The following QKI variants were observed in gnomAD, a reference collection of about 807,000 sequenced individuals.
The protein encoded by QKI is KH domain-containing RNA-binding protein QKI.
Under a neutral mutation model 39.0 loss-of-function variants are expected in QKI, and 10 were observed. That is an observed-to-expected ratio of 0.26 (90% confidence interval 0.16 to 0.43). QKI has a LOEUF of 0.43. Among genes scored for constraint, QKI ranks in the 20% least tolerant of loss-of-function variants. The pLI is 1.00. For missense variants in QKI, 218 were observed against 428.0 expected (o/e 0.51, Z 4.33); for synonymous variants, 204 against 155.4 (o/e 1.31, Z -2.33).
At chr6:163,537,237 A>G (rs557067278) in intron 4 of QKI, among the ~76,000 whole-genome samples, 2 of 152,298 alleles carry the variant, frequency 1.3e-5, no homozygotes, top group South Asian at 4.1e-4. Context: ...ATAAACCCCT[A>G]TACTTCTTGT....
chr6:163,505,444 A>T (rs965283958), intron 3 of QKI, among the ~76,000 whole-genome samples: 1 of 152,178 alleles, frequency 6.6e-6, no homozygotes, highest in African/African-American at 2.4e-5. Flanking sequence ...AGCCGAGGGG[A>T]CTGAACCTTG....
At chr6:163,479,647 G>A (rs1343238294) in intron 3 of QKI, among the ~76,000 whole-genome samples, 2 of 152,230 alleles carry the variant, frequency 1.3e-5, no homozygotes, top group Non-Finnish European at 2.9e-5. Flanking sequence ...TGGGATTATA[G>A]GCGTGAGCCA....
At chr6:163,545,988 A>T (rs1383289688) in intron 4 of QKI, among the ~76,000 whole-genome samples, 1 of 148,860 alleles carries the variant, frequency 6.7e-6, no homozygotes, top group Non-Finnish European at 1.5e-5. Flanking sequence ...TTAAATATTA[A>T]TGTAAACTAT....
intron 2 of QKI, among the ~76,000 whole-genome samples, chr6:163,461,776 A>G (rs895865586): frequency 6.6e-6 from 1 of 152,192 alleles, no homozygotes; most frequent in Admixed American, 6.5e-5. Context: ...AATTTGAGAG[A>G]GCAGTGTCTC....
intron 1 of QKI, among the ~76,000 whole-genome samples, chr6:163,435,144 AAACAT>A (rs1306982171): frequency 6.6e-6 from 1 of 152,204 alleles, no homozygotes; most frequent in Non-Finnish European, 1.5e-5. Context: ...ATTATCCAAA[AAACAT>A]AAAGCATGAC....
At chr6:163,565,735 A>G in intron 6 of QKI, 6 of 1,238,010 alleles carry the variant, frequency 4.8e-6, no homozygotes, top group Non-Finnish European at 6.1e-6. Context: ...TGGAGAACTC[A>G]GAAAATTATT....
At chr6:163,418,293 A>T (rs1268244979) in intron 1 of QKI, among the ~76,000 whole-genome samples, 2 of 152,152 alleles carry the variant, frequency 1.3e-5, no homozygotes, top group Non-Finnish European at 2.9e-5. Context: ...TAAGCTTTTT[A>T]AAAATATGCT....
chr6:163,547,672 T>A (rs2128245289), intron 4 of QKI, among the ~76,000 whole-genome samples: 1 of 152,276 alleles, frequency 6.6e-6, no homozygotes, highest in South Asian at 2.1e-4. Flanking sequence ...TGCCTAGGAC[T>A]CATCCACCTT....
Position 163,505,145 on chromosome 6 carries a change from T to C in QKI, c.402+26249T>C, listed in dbSNP as rs1779015367. On this transcript the variant is annotated intron_variant, in intron 3 of 7. Coordinates refer to ENST00000361752, the MANE Select transcript of QKI (RefSeq NM_006775.3). ...CTTGTGGGTGCACAGAACACAAGAG[T>C]TGAGCTTTGAGAATCTTTGCCTAGA... Among the ~76,000 whole-genome samples, 8 of 152,076 alleles carry C rather than the reference T, an allele frequency of 5.3e-5. No individual in the cohort carries two copies. The South Asian group carries it at 1.7e-3, about 32-fold the overall frequency.
chr6:163,415,214 G>C lies in QKI; in HGVS notation c.21G>C (p.Thr7=), dbSNP rs1787338780. The C allele has an allele frequency of 6.3e-7, 1 of 1,588,334 alleles. No individual in the cohort carries two copies. The highest frequency in any genetic ancestry group is 8.6e-7 in the Non-Finnish European group (1 of 1,164,560). ...GGAATATGGTCGGGGAAATGGAAAC[G>C]AAGGAGAAGCCGAAGCCCACCCCAG... MVGEME[T]KEKPKPTPDY... The change falls in exon 1 of 8, where the codon ACG becomes ACC. Residue 7 remains threonine (T), a synonymous_variant. Coordinates refer to ENST00000361752, the MANE Select transcript of QKI (RefSeq NM_006775.3).
intron 3 of QKI, among the ~76,000 whole-genome samples, chr6:163,500,700 T>G (rs57845473): frequency 0.02 from 3,090 of 152,236 alleles, 104 homozygotes; most frequent in African/African-American, 0.071. Flanking sequence ...AATAAACAAC[T>G]GAATAAGACT....
At chr6:163,479,763 C>G (rs1792927115) in intron 3 of QKI, among the ~76,000 whole-genome samples, 1 of 152,130 alleles carries the variant, frequency 6.6e-6, no homozygotes, top group African/African-American at 2.4e-5. Flanking sequence ...GGGAAGCTGC[C>G]AGTTTGGAAA....
chr6:163,472,829 G>A (rs546359427), intron 2 of QKI, among the ~76,000 whole-genome samples: 1 of 152,166 alleles, frequency 6.6e-6, no homozygotes, highest in Admixed American at 6.6e-5. Context: ...CTGAATTTGT[G>A]GGATACAACT....
intron 4 of QKI, among the ~76,000 whole-genome samples, chr6:163,540,648 T>G (rs1781451058): frequency 1.3e-5 from 2 of 152,180 alleles, no homozygotes; most frequent in African/African-American, 4.8e-5. Context: ...GGTTTTGAGA[T>G]AATCACACAC....
intron 1 of QKI, among the ~76,000 whole-genome samples, chr6:163,440,725 T>G (rs556056582): frequency 5.0e-4 from 76 of 152,366 alleles, no homozygotes; most frequent in African/African-American, 1.6e-3. Context: ...TCATTTAGTT[T>G]GTTATAGAAC....
chr6:163,414,954 G>GTA lies in QKI; in HGVS notation c.-240_-239insTA, dbSNP rs1376809502. 32 of 174,366 alleles carry GTA rather than the reference G, an allele frequency of 1.8e-4. No individual in the cohort carries two copies. The highest frequency in any genetic ancestry group is 2.9e-4 in the Non-Finnish European group (27 of 91,590). The allele number at this position is 174,366 out of a possible 1,614,324, so 10.8% of individuals were successfully genotyped here. On this transcript the variant is annotated 5_prime_UTR_variant, in exon 1 of 8. Coordinates refer to ENST00000361752, the MANE Select transcript of QKI (RefSeq NM_006775.3). ...CCTCGTGAGGGACGCGCCGAGCCGG[G>GTA]CGGCCGAGAGCGGCGGCGGCTGGGA...
At chr6:163,497,266 T>A (rs1490855394) in intron 3 of QKI, among the ~76,000 whole-genome samples, 7 of 152,172 alleles carry the variant, frequency 4.6e-5, no homozygotes, top group Non-Finnish European at 1.0e-4. Flanking sequence ...TTCTAGCATT[T>A]GTTCAGTTAA....
chr6:163,533,504 C>T (rs1162337293), intron 3 of QKI, among the ~76,000 whole-genome samples: 1 of 152,202 alleles, frequency 6.6e-6, no homozygotes, highest in African/African-American at 2.4e-5. Flanking sequence ...AATTCTCAAA[C>T]TTTGGAATCA....
chr6:163,527,585 T>C (rs1780592637), intron 3 of QKI, among the ~76,000 whole-genome samples: 1 of 152,276 alleles, frequency 6.6e-6, no homozygotes, highest in African/African-American at 2.4e-5. Flanking sequence ...CTTCATGTTA[T>C]AGAATCCCTT....
Sources: allele counts gnomAD v4.1 joint callset (sites outside exome capture counted in the v4.1 genomes callset), GRCh38; gene constraint gnomAD v4.1.1; transcripts MANE v1.5; gene names NCBI Gene and HGNC (gene_info 2026-07-23, HGNC 2026-07-21).